SASH1: variants seen among roughly 807,000 people sequenced by gnomAD.
SASH1 encodes the protein SAM and SH3 domain-containing protein 1.
In SASH1, 44 loss-of-function variants were observed where a neutral mutation model predicts 125.2. That is an observed-to-expected ratio of 0.35 (90% confidence interval 0.28 to 0.45). The LOEUF is 0.45. SASH1 is among the 20% of genes least tolerant of loss of function. The pLI is 1.00. For missense variants in SASH1, 1,426 were observed against 1,614.5 expected, an observed-to-expected ratio of 0.88 and a Z score of 2.00; for synonymous variants, 639 against 649.1, an observed-to-expected ratio of 0.98 and a Z score of 0.24.
intron 1 of SASH1, among the ~76,000 whole-genome samples, chr6:148,375,732 C>A (rs1209414431): frequency 6.6e-6 from 1 of 152,154 alleles, no homozygotes; most frequent in East Asian, 1.9e-4. Flanking sequence ...ACAGATAATA[C>A]ACATGTGCCG....
rs1781514692 is a variant in SASH1 at position 148,531,528 on chromosome 6, C to T, written c.1431C>T (p.Asp477=). ...KKYSSSVSEQ[D]SGLDGMPGSP... ...CATTTTGTTGAAACCCATGGCAGGACTCGGGCCTTGATGGAATGCCTGGCT... is the reference window on the plus strand; with the variant it reads ...CATTTTGTTGAAACCCATGGCAGGATTCGGGCCTTGATGGAATGCCTGGCT... Residue 477 remains aspartate (D), a splice_region_variant and synonymous_variant, in exon 13 of 20, where the codon GAC becomes GAT. Transcript: ENST00000367467. 1 of 1,526,874 alleles carries T rather than the reference C, an allele frequency of 6.5e-7. No homozygotes were observed. Among genetic ancestry groups the T allele is most frequent in the Admixed American group, 2.1e-5 (1 of 48,614 alleles). 94.6% of individuals were successfully genotyped at this position (1,526,874 alleles called of 1,614,324 possible). A position where few individuals can be genotyped will look rare whatever the true frequency, so the allele number is the denominator to read the frequency against.
intron 1 of SASH1, among the ~76,000 whole-genome samples, chr6:148,307,044 CTTT>C (rs1780151689): frequency 5.6e-5 from 6 of 107,978 alleles, no homozygotes. Context: ...TTCTTTCTTT[CTTT>C]CTTTCTTTCT....
chr6:148,221,048 C>T, the SASH1 span, among the ~76,000 whole-genome samples: 9 of 152,306 alleles, frequency 5.9e-5, no homozygotes, highest in Admixed American at 2.6e-4. Context: ...ATTAAAGCTA[C>T]TTTCTGGGAC....
At chr6:148,381,617 C>CTTTTTTT (rs201145545) in intron 1 of SASH1, among the ~76,000 whole-genome samples, 3,762 of 77,760 alleles carry the variant, frequency 0.048, 740 homozygotes, top group Non-Finnish European at 0.064. Context: ...TTCTTGCTTT[C>CTTTTTTT]TTTTTTTTTT....
In SASH1 at chr6:148,363,370, G is replaced by A. The variant is rs577426564; in HGVS notation, c.156+20147G>A. ...TTGCCCAGACTGGCCTCAAACTCCT[G>A]GGCTCCAATGATGCGCCTGCCTGGG... On this transcript the variant is annotated intron_variant, in intron 1 of 19. Coordinates refer to ENST00000367467, the MANE Select transcript of SASH1 (RefSeq NM_015278.5). 2.6e-5 allele frequency among the ~76,000 whole-genome samples: 4 copies of A among 151,886 alleles called. No individual in the cohort carries two copies. In the South Asian group the frequency reaches 8.4e-4, roughly 32 times the overall value.
chr6:148,546,568 C>A (rs1404443275), intron 19 of SASH1, among the ~76,000 whole-genome samples: 1 of 152,144 alleles, frequency 6.6e-6, no homozygotes, highest in Admixed American at 6.5e-5. Context: ...TTCCAAAGAT[C>A]TATTGTTCAA....
In SASH1 at chr6:148,421,126, AAAGG is replaced by A. The variant is rs148595857; in HGVS notation, c.286-19038_286-19035del. Reference sequence around the variant, plus strand: ...AGAAAAGAAAGGAAAAGAAAGGAAGAAAGGAAGGAAGGAAGGAAGGAAGAAAGAA... The same window carrying A: ...AGAAAAGAAAGGAAAAGAAAGGAAGAAAGGAAGGAAGGAAGGAAGAAAGAA... On this transcript the variant is annotated intron_variant, in intron 2 of 19. Coordinates refer to ENST00000367467, the MANE Select transcript of SASH1 (RefSeq NM_015278.5). 5.7e-3 allele frequency among the ~76,000 whole-genome samples: 471 copies of A among 82,330 alleles called. 15 individuals are homozygous for A. The highest frequency in any genetic ancestry group is 0.011 in the Middle Eastern group (2 of 184). 54.0% of individuals were successfully genotyped at this position (82,330 alleles called of 152,430 possible). A position where few individuals can be genotyped will look rare whatever the true frequency, so the allele number is the denominator to read the frequency against.
intron 2 of SASH1, among the ~76,000 whole-genome samples, chr6:148,428,641 A>AAAAAAAAAG (rs1162043508): frequency 2.6e-5 from 4 of 151,226 alleles, no homozygotes; most frequent in Non-Finnish European, 4.4e-5. Context: ...AAAAAAAAAA[A>AAAAAAAAAG]AGAGAATATA....
At chr6:148,224,473 G>C in the SASH1 span, among the ~76,000 whole-genome samples, 1 of 151,840 alleles carries the variant, frequency 6.6e-6, no homozygotes, top group Admixed American at 6.6e-5. Flanking sequence ...CAATGATCCT[G>C]CCTCAGGCTC....
chr6:148,469,194 A>C (rs6570854), intron 5 of SASH1: 127,213 of 152,312 alleles, frequency 0.84, 54,030 homozygotes, highest in African/African-American at 0.94. Flanking sequence ...GACTTTGAAT[A>C]TGCCGACCCA....
chr6:148,287,247 T>G (rs1317307788), intron 1 of SASH1, among the ~76,000 whole-genome samples: 1 of 152,180 alleles, frequency 6.6e-6, no homozygotes. Flanking sequence ...TGTGAGCCAA[T>G]GTGCTCTTTC....
At chr6:148,271,500 C>A (rs1779060953), upstream of SASH1, among the ~76,000 whole-genome samples, 1 of 152,084 alleles carries the variant, frequency 6.6e-6, no homozygotes. Flanking sequence ...TGCACATTAA[C>A]TTTTAATATT....
intron 2 of SASH1, among the ~76,000 whole-genome samples, chr6:148,394,367 C>CAACA (rs1187564113): frequency 2.0e-4 from 31 of 152,198 alleles, no homozygotes; most frequent in Non-Finnish European, 4.0e-4. Context: ...GGCTATGATA[C>CAACA]AACACTGTTA....
intron 2 of SASH1, among the ~76,000 whole-genome samples, chr6:148,431,289 C>T (rs1426787304): frequency 2.0e-5 from 3 of 152,082 alleles, no homozygotes; most frequent in Admixed American, 6.5e-5. Flanking sequence ...ACCTCCTCCT[C>T]CCGGGTTCAA....
chr6:148,517,435 C>G (rs1780505109), intron 9 of SASH1, among the ~76,000 whole-genome samples: 1 of 152,140 alleles, frequency 6.6e-6, no homozygotes, highest in Non-Finnish European at 1.5e-5. Context: ...CAAATCACAG[C>G]AAATGTGATG....
intron 8 of SASH1, among the ~76,000 whole-genome samples, chr6:148,488,988 C>T (rs1045853537): frequency 2.0e-5 from 3 of 152,072 alleles, no homozygotes; most frequent in Non-Finnish European, 4.4e-5. Flanking sequence ...TCTAGTGTGT[C>T]TATTTGTTTT....
At chr6:148,407,299 C>T (rs1002661514) in intron 2 of SASH1, among the ~76,000 whole-genome samples, 10 of 152,158 alleles carry the variant, frequency 6.6e-5, no homozygotes, top group African/African-American at 1.4e-4. Context: ...TTTGACCATT[C>T]GCAATACCTC....
Position 148,279,816 on chromosome 6 carries a change from G to T in SASH1, n.74+7439G>T, listed in dbSNP as rs534366423. Among the ~76,000 whole-genome samples the T allele has an allele frequency of 2.0e-5, 3 of 151,956 alleles. No individual in the cohort carries two copies. In the East Asian group the frequency reaches 5.8e-4, roughly 30 times the overall value. ...AGCTTGGCCAACATGATGAAACCCC[G>T]TCTCTACTAAAAAGACAAAAATTAG... is the stretch of plus-strand genomic sequence containing the variant. On this transcript the variant is annotated intron_variant and non_coding_transcript_variant, in intron 1 of 3. Coordinates refer to the SASH1 transcript ENST00000367469.
chr6:148,339,023 A>AG (rs1170290261), upstream of SASH1, among the ~76,000 whole-genome samples: 3 of 142,704 alleles, frequency 2.1e-5, no homozygotes, highest in African/African-American at 7.8e-5. Flanking sequence ...AAAAAAAAAA[A>AG]AGAGAGAGAG....
Sources: allele counts gnomAD v4.1 joint callset (sites outside exome capture counted in the v4.1 genomes callset), GRCh38; gene constraint gnomAD v4.1.1; transcripts MANE v1.5; gene names NCBI Gene and HGNC (gene_info 2026-07-23, HGNC 2026-07-21).